PCLO: variants seen among roughly 807,000 people sequenced by gnomAD.
PCLO encodes the protein piccolo presynaptic cytomatrix protein, also known as protein piccolo.
A neutral mutation model predicts 427.5 loss-of-function variants in PCLO; 82 were observed. That is an observed-to-expected ratio of 0.19 (90% CI 0.16 to 0.23). The LOEUF is 0.23. Among genes scored for constraint, PCLO ranks in the 10% least tolerant of loss-of-function variants. The probability of loss-of-function intolerance (pLI) is 1.00; values close to 1 mark genes in which losing one functional copy is unlikely to be tolerated. For synonymous variants in PCLO, 2,357 were observed against 2,155.4 expected, an observed-to-expected ratio of 1.09 and a Z score of -2.59; for missense variants, 6,239 against 6,115.9, an observed-to-expected ratio of 1.02 and a Z score of -0.67.
intron 3 of PCLO, among the ~76,000 whole-genome samples, chr7:83,039,025 CT>C (rs1562933764): frequency 1.3e-5 from 2 of 151,888 alleles, no homozygotes; most frequent in African/African-American, 4.8e-5. Context: ...TTTATTTTCT[CT>C]GGAGAAATGT....
intron 3 of PCLO, 48 bp from the exon 4 acceptor site, chr7:82,966,535 T>A (rs758195951): frequency 8.5e-7 from 1 of 1,177,084 alleles, no homozygotes; most frequent in South Asian, 2.0e-5. Context: ...TTATAATGTA[T>A]CTGTTTCTGT....
At chr7:82,895,992 C>T (rs1215328364) in intron 9 of PCLO, among the ~76,000 whole-genome samples, 1 of 151,794 alleles carries the variant, frequency 6.6e-6, no homozygotes, top group Non-Finnish European at 1.5e-5. Context: ...AAAGATATCA[C>T]AAGAAAACAA....
intron 6 of PCLO, among the ~76,000 whole-genome samples, chr7:82,936,555 C>T (rs116895686): frequency 0.024 from 3,619 of 151,522 alleles, 75 homozygotes; most frequent in Non-Finnish European, 0.038. Flanking sequence ...GAAATTGCAA[C>T]CCTTATACAT....
At chr7:83,122,597 C>G (rs1791317042) in intron 3 of PCLO, among the ~76,000 whole-genome samples, 1 of 152,048 alleles carries the variant, frequency 6.6e-6, no homozygotes, top group South Asian at 2.1e-4. Flanking sequence ...AGGATGCCCA[C>G]TTTCACCACT....
intron 2 of PCLO, among the ~76,000 whole-genome samples, chr7:83,137,845 A>G (rs1791767277): frequency 6.6e-6 from 1 of 152,348 alleles, no homozygotes; most frequent in East Asian, 1.9e-4. Flanking sequence ...ATAACTCTTT[A>G]TACATATAAA....
At chr7:83,061,900 C>T (rs1789552338) in intron 3 of PCLO, among the ~76,000 whole-genome samples, 1 of 152,088 alleles carries the variant, frequency 6.6e-6, no homozygotes, top group Admixed American at 6.6e-5. Flanking sequence ...TCCTGAGAAC[C>T]TGAGGCCATT....
chr7:82,956,826 T>C lies in PCLO; in HGVS notation c.4127A>G (p.Glu1376Gly). Residue 1376 changes from glutamate to glycine, a missense_variant, in exon 5 of 25, where the codon GAA becomes GGA. Glu to Gly is a moderately conservative substitution (Grantham distance 98). Coordinates refer to ENST00000333891, the MANE Select transcript of PCLO (RefSeq NM_033026.6). Reference protein sequence around the residue: ...SSDGISSSLGEIPSLIPTDEK... With the variant: ...SSDGISSSLGGIPSLIPTDEK... Reference sequence around the variant, plus strand: ...ATCAGTTGGAATAAGACTTGGAATTTCACCAAGTGAGCTTGATATTCCATC... The same window carrying C: ...ATCAGTTGGAATAAGACTTGGAATTCCACCAAGTGAGCTTGATATTCCATC... 6.2e-7 allele frequency: 1 copy of C among 1,613,552 alleles called. No individual in the cohort carries two copies. The highest frequency in any genetic ancestry group is 8.5e-7 in the Non-Finnish European group (1 of 1,179,502).
intron 2 of PCLO, among the ~76,000 whole-genome samples, chr7:83,153,651 C>T (rs1792193815): frequency 6.6e-6 from 1 of 152,146 alleles, no homozygotes; most frequent in African/African-American, 2.4e-5. Context: ...GATTTCTGTG[C>T]CTTCTCATTA....
At position 82,950,062 on chromosome 7, in the gene PCLO, G is replaced by A. The variant is rs1466905525; in HGVS notation, c.10526C>T (p.Pro3509Leu). The change falls in exon 6 of 25, where the codon CCC becomes CTC. Residue 3509 changes from proline (P) to leucine (L), a missense_variant. By Grantham distance (98) the Pro-to-Leu change is moderately conservative. This residue lies in a region of PCLO where 4,677 missense variants were observed against 4,468.4 expected (regional missense o/e 1.05). Coordinates refer to ENST00000333891, the MANE Select transcript of PCLO (RefSeq NM_033026.6). ...TGCTATGCTGGAGACTTTGGAAAGGGGTTTGGTCTTGTCAGCCTCTGTCAT... is the reference window on the plus strand; with the variant it reads ...TGCTATGCTGGAGACTTTGGAAAGGAGTTTGGTCTTGTCAGCCTCTGTCAT... The part of the protein sequence containing the change: ...DSMTEADKTK[P>L]LSKVSSIAVQ... 1 of 1,604,428 alleles carries A rather than the reference G, an allele frequency of 6.2e-7. No homozygotes were observed. Among genetic ancestry groups the A allele is most frequent in the East Asian group, 2.2e-5 (1 of 44,466 alleles).
chr7:83,071,096 A>G (rs189617316), intron 3 of PCLO, among the ~76,000 whole-genome samples: 45 of 152,148 alleles, frequency 3.0e-4, no homozygotes, highest in Admixed American at 2.0e-3. Flanking sequence ...TTAAGTGTAT[A>G]ATTCAATGGT....
At chr7:83,015,033 C>G (rs1417121222) in intron 3 of PCLO, among the ~76,000 whole-genome samples, 1 of 152,006 alleles carries the variant, frequency 6.6e-6, no homozygotes, top group East Asian at 1.9e-4. Context: ...GCTACTGTCC[C>G]CATTTTTCAA....
chr7:83,092,746 G>C (rs1398806709), intron 3 of PCLO, among the ~76,000 whole-genome samples: 1 of 151,964 alleles, frequency 6.6e-6, no homozygotes, highest in Non-Finnish European at 1.5e-5. Context: ...TCAGGAGTTT[G>C]AGACCAGCCT....
intron 10 of PCLO, among the ~76,000 whole-genome samples, chr7:82,866,999 G>A (rs151165575): frequency 6.6e-6 from 1 of 152,118 alleles, no homozygotes; most frequent in Non-Finnish European, 1.5e-5. Context: ...TGCAAGCAGA[G>A]TCAACCAATG....
chr7:82,912,404 T>C (rs1380258786), intron 7 of PCLO, among the ~76,000 whole-genome samples: 1 of 151,794 alleles, frequency 6.6e-6, no homozygotes, highest in Non-Finnish European at 1.5e-5. Flanking sequence ...AGAAAATATA[T>C]AACATTTTAC....
intron 18 of PCLO, among the ~76,000 whole-genome samples, chr7:82,825,056 A>G (rs930570938): frequency 2.6e-5 from 4 of 152,208 alleles, no homozygotes; most frequent in Admixed American, 6.5e-5. Flanking sequence ...AAGGGACAAA[A>G]TGGAAAAGAA....
intron 2 of PCLO, among the ~76,000 whole-genome samples, chr7:83,153,469 ATTATTG>A (rs1279743453): frequency 6.6e-6 from 1 of 152,274 alleles, no homozygotes; most frequent in Non-Finnish European, 1.5e-5. Flanking sequence ...AATGATCATC[ATTATTG>A]TTATTATCAT....
chr7:82,916,052 A>G lies in PCLO; in HGVS notation c.11934T>C (p.Tyr3978=), dbSNP rs527571293. Residue 3978 remains tyrosine, a synonymous_variant, in exon 7 of 25, where the codon TAT becomes TAC. Coordinates refer to ENST00000333891, the MANE Select transcript of PCLO (RefSeq NM_033026.6). Reference sequence around the variant, plus strand: ...TAAGGGGTTGGTTGCGAATCACTTCATAGTTTGAGGTTATCTTGGGCTCCA... The same window carrying G: ...TAAGGGGTTGGTTGCGAATCACTTCGTAGTTTGAGGTTATCTTGGGCTCCA... The part of the protein sequence containing the change: ...LYLEPKITSN[Y]EVIRNQPLMI... 6.5e-5 allele frequency: 105 copies of G among 1,613,236 alleles called. No homozygotes were observed. Among genetic ancestry groups the G allele is most frequent in the Non-Finnish European group, 8.2e-5 (97 of 1,179,768 alleles).
At position 82,930,144 on chromosome 7, in the gene PCLO, A is replaced by T. The variant is rs189441138; in HGVS notation, c.11113-13271T>A. Among the ~76,000 whole-genome samples the T allele has an allele frequency of 1.3e-4, 20 of 152,308 alleles. No homozygotes were observed. The East Asian group carries it at 3.9e-3, about 29-fold the overall frequency. On this transcript the variant is annotated intron_variant, in intron 6 of 24. Transcript: ENST00000333891. ...ATAAGGCATCTAGGAGACAACTTGT[A>T]TGTAGTTCTAAGTACTAAGAAGGAA...
At chr7:83,059,033 C>T (rs1789472344) in intron 3 of PCLO, among the ~76,000 whole-genome samples, 2 of 151,768 alleles carry the variant, frequency 1.3e-5, no homozygotes, top group Admixed American at 1.3e-4. Context: ...TACATTTATT[C>T]TTGTCAGAAG....
Sources: gnomAD v4.1 joint callset for allele counts (sites outside exome capture counted in the v4.1 genomes callset) on GRCh38, gnomAD v4.1.1 for gene constraint, gnomAD v4.1.1 regional missense constraint, MANE v1.5 for transcripts, NCBI Gene and HGNC (gene_info 2026-07-23, HGNC 2026-07-21) for gene names.